Variants in RHOBTB1 observed in about 807,000 individuals in gnomAD.
The protein encoded by RHOBTB1 is rho-related BTB domain-containing protein 1.
A neutral mutation model predicts 71.6 loss-of-function variants in RHOBTB1; 40 were observed. That is an observed-to-expected ratio of 0.56 (90% confidence interval 0.43 to 0.73). RHOBTB1 has a LOEUF of 0.73. Ranked by LOEUF, RHOBTB1 falls within the 30% of genes least tolerant of loss-of-function variation. The pLI, the probability that RHOBTB1 is intolerant of heterozygous loss-of-function variation, is 0.00. For missense variants in RHOBTB1, 797 were observed against 894.0 expected (o/e 0.89, Z 1.38); for synonymous variants, 319 against 334.9 (o/e 0.95, Z 0.52).
intron 2 of RHOBTB1, among the ~76,000 whole-genome samples, chr10:60,978,142 A>G (rs752236296): frequency 6.6e-6 from 1 of 152,220 alleles, no homozygotes. Context: ...CACCCTCTGC[A>G]TTAAATATAT....
chr10:61,001,886 G>T (rs1472991340), upstream of RHOBTB1, among the ~76,000 whole-genome samples: 1 of 152,226 alleles, frequency 6.6e-6, no homozygotes, highest in African/African-American at 2.4e-5. Flanking sequence ...GGACTTGCGG[G>T]GGCATCTCCT....
At chr10:60,997,615 T>C (rs1303849316) in intron 1 of RHOBTB1, among the ~76,000 whole-genome samples, 1 of 152,238 alleles carries the variant, frequency 6.6e-6, no homozygotes, top group Non-Finnish European at 1.5e-5. Flanking sequence ...TGTTAAATGC[T>C]CAGCCCTGTA....
intron 2 of RHOBTB1, among the ~76,000 whole-genome samples, chr10:60,918,189 C>A (rs374358384): frequency 6.3e-4 from 96 of 152,306 alleles, no homozygotes; most frequent in African/African-American, 2.1e-3. Context: ...TTCTTGACTA[C>A]CCCTCTGGTC....
intron 2 of RHOBTB1, among the ~76,000 whole-genome samples, chr10:60,959,132 A>G (rs1404966696): frequency 6.6e-6 from 1 of 152,186 alleles, no homozygotes; most frequent in Non-Finnish European, 1.5e-5. Flanking sequence ...AAGAGATACA[A>G]ATAAGCAACT....
At chr10:60,978,159 G>T (rs2086376789) in intron 2 of RHOBTB1, among the ~76,000 whole-genome samples, 1 of 152,014 alleles carries the variant, frequency 6.6e-6, no homozygotes, top group South Asian at 2.1e-4. Context: ...ATATATTTTT[G>T]CCTATTGAAG....
rs532530289 is a variant in RHOBTB1 at position 60,911,613 on chromosome 10, C to T, written c.-10-61G>A. ...CAAGGCTTTCCAGAGCAATCAAAGACGTAAGAGGTTCAGGGAGTTTTGCCT... is the reference window on the plus strand; with the variant it reads ...CAAGGCTTTCCAGAGCAATCAAAGATGTAAGAGGTTCAGGGAGTTTTGCCT... On this transcript the variant is annotated intron_variant, in intron 2 of 10. Transcript: ENST00000337910. 113 of 1,385,208 alleles carry T rather than the reference C, an allele frequency of 8.2e-5. No individual in the cohort carries two copies. The African/African-American group carries it at 1.2e-3, about 15-fold the overall frequency. The allele number at this position is 1,385,208 out of a possible 1,614,324, so 85.8% of individuals were successfully genotyped here.
Position 60,905,274 on chromosome 10 carries a change from C to T in RHOBTB1, c.296+5613G>A, listed in dbSNP as rs1445427668. ...GACCACCCTGGCCAACATAGTGAAA[C>T]CCCAGCTCTACTAAAAATACAAAAA... On this transcript the variant is annotated intron_variant, in intron 4 of 10. Transcript: ENST00000337910. Among the ~76,000 whole-genome samples, 3 of 151,620 alleles carry T rather than the reference C, an allele frequency of 2.0e-5. No homozygotes were observed. The East Asian group carries it at 5.8e-4, about 29-fold the overall frequency.
intron 2 of RHOBTB1, among the ~76,000 whole-genome samples, chr10:60,922,221 G>A (rs78852472): frequency 0.012 from 1,878 of 152,222 alleles, 41 homozygotes; most frequent in African/African-American, 0.042. Flanking sequence ...GGAGGCACAC[G>A]TACCCATTAC....
chr10:60,894,838 G>C (rs574837551), intron 4 of RHOBTB1, among the ~76,000 whole-genome samples: 189 of 152,248 alleles, frequency 1.2e-3, no homozygotes, highest in African/African-American at 4.3e-3. Flanking sequence ...AAGACACATG[G>C]CTCTAAGGGG....
intron 4 of RHOBTB1, among the ~76,000 whole-genome samples, chr10:60,899,790 G>A (rs2082326990): frequency 6.6e-6 from 1 of 152,140 alleles, no homozygotes. Flanking sequence ...TTCTAGTGAA[G>A]ACAGACAATC....
intron 1 of RHOBTB1, among the ~76,000 whole-genome samples, chr10:60,987,219 G>A (rs966351367): frequency 3.3e-5 from 5 of 152,118 alleles, no homozygotes; most frequent in Admixed American, 6.6e-5. Context: ...CCCATCTCAA[G>A]AAACTCCCCT....
At chr10:60,959,544 T>C (rs2085709721) in intron 2 of RHOBTB1, among the ~76,000 whole-genome samples, 1 of 152,168 alleles carries the variant, frequency 6.6e-6, no homozygotes, top group Non-Finnish European at 1.5e-5. Flanking sequence ...TCTCTGAGCC[T>C]GGCTGCTATT....
At chr10:60,981,098 T>C (rs2086480621) in intron 2 of RHOBTB1, among the ~76,000 whole-genome samples, 1 of 152,210 alleles carries the variant, frequency 6.6e-6, no homozygotes, top group African/African-American at 2.4e-5. Flanking sequence ...TTTTCTTTTT[T>C]CTTCAGAAAT....
At chr10:60,971,803 A>G (rs1247733606) in intron 2 of RHOBTB1, among the ~76,000 whole-genome samples, 1 of 152,200 alleles carries the variant, frequency 6.6e-6, no homozygotes, top group Non-Finnish European at 1.5e-5. Flanking sequence ...CATCTGACAA[A>G]CTGCTAATAT....
chr10:60,868,916 A>G (rs931738100), downstream of RHOBTB1, among the ~76,000 whole-genome samples: 61 of 152,202 alleles, frequency 4.0e-4, 1 homozygote, highest in African/African-American at 1.4e-3. Flanking sequence ...CCATACAGTT[A>G]TGGGTAGCCT....
chr10:60,985,796 G>A (rs1480525113), intron 2 of RHOBTB1: 1 of 152,038 alleles, frequency 6.6e-6, no homozygotes, highest in Admixed American at 6.6e-5. Context: ...GTTAAATATT[G>A]TAAGAAAGGG....
upstream of RHOBTB1, among the ~76,000 whole-genome samples, chr10:60,948,045 T>G (rs2085294698): frequency 6.6e-6 from 1 of 152,208 alleles, no homozygotes; most frequent in African/African-American, 2.4e-5. Flanking sequence ...TAGTGTTACT[T>G]TGCATTCCCC....
Position 60,886,098 on chromosome 10 carries a change from A to T in RHOBTB1, c.1575+14T>A. On this transcript the variant is annotated intron_variant, in intron 7 of 10. Coordinates refer to ENST00000337910, the MANE Select transcript of RHOBTB1 (RefSeq NM_014836.5). ...TTCATAAAGACACCACTATGCTTTT[A>T]GGAAGGCACGTACCTCACTGTTGGC... 1 of 1,580,326 alleles carries T rather than the reference A, an allele frequency of 6.3e-7. No homozygotes were observed. Among genetic ancestry groups the T allele is most frequent in the Non-Finnish European group, 8.7e-7 (1 of 1,149,314 alleles).
rs1421299010 is a variant in RHOBTB1, at chr10:60,870,903, C to A, written c.*579G>T. On this transcript the variant is annotated 3_prime_UTR_variant, in exon 11 of 11. Transcript: ENST00000337910. ...ATTCTTGGAGTTGACTTTGTAATTACACCGATGTTATTCAACAGAACAAAG... is the reference window on the plus strand; with the variant it reads ...ATTCTTGGAGTTGACTTTGTAATTAAACCGATGTTATTCAACAGAACAAAG... The A allele has an allele frequency of 1.3e-5, 2 of 152,608 alleles. No individual in the cohort carries two copies. The highest frequency in any genetic ancestry group is 4.8e-5 in the African/African-American group (2 of 41,438). The allele number at this position is 152,608 out of a possible 1,614,324, so 9.5% of individuals were successfully genotyped here. A position where few individuals can be genotyped will look rare whatever the true frequency, so the allele number is the denominator to read the frequency against.
Sources: allele counts gnomAD v4.1 joint callset (sites outside exome capture counted in the v4.1 genomes callset), GRCh38; gene constraint gnomAD v4.1.1; transcripts MANE v1.5; gene names NCBI Gene and HGNC (gene_info 2026-07-23, HGNC 2026-07-21).